The following LDLRAD3 variants were observed in gnomAD, a reference collection of about 807,000 sequenced individuals.
LDLRAD3 encodes low-density lipoprotein receptor class A domain-containing protein 3.
A neutral mutation model predicts 29.4 loss-of-function variants in LDLRAD3; 20 were observed. That is an observed-to-expected ratio of 0.68 (90% CI 0.48 to 0.99). The LOEUF is 0.99. Among genes scored for constraint, LDLRAD3 ranks in the 50% least tolerant of loss-of-function variants. The pLI is 0.00. For synonymous variants in LDLRAD3, 157 were observed against 192.7 expected, an observed-to-expected ratio of 0.81 and a Z score of 1.53; for missense variants, 420 against 454.3, an observed-to-expected ratio of 0.92 and a Z score of 0.69.
chr11:35,997,188 C>T, intron 1 of LDLRAD3: 1 of 274,364 alleles, frequency 3.6e-6, no homozygotes. Flanking sequence ...TTCCTTTGTG[C>T]TTCTTAACTA....
chr11:35,959,138 C>T (rs931342340), intron 1 of LDLRAD3, among the ~76,000 whole-genome samples: 9 of 152,200 alleles, frequency 5.9e-5, no homozygotes, highest in South Asian at 2.1e-4. Context: ...TCTCCCAGCT[C>T]GCAACTTTTC....
At chr11:35,951,889 C>A (rs1851139833) in intron 1 of LDLRAD3, among the ~76,000 whole-genome samples, 1 of 152,154 alleles carries the variant, frequency 6.6e-6, no homozygotes. Context: ...CAGCTTCCGC[C>A]CACCCTGTGC....
chr11:36,073,890 C>T (rs777928317), intron 2 of LDLRAD3, among the ~76,000 whole-genome samples: 4 of 152,168 alleles, frequency 2.6e-5, no homozygotes, highest in African/African-American at 4.8e-5. Context: ...TCTAAGGAGG[C>T]GGCAGAGCAG....
intron 1 of LDLRAD3, among the ~76,000 whole-genome samples, chr11:35,983,717 G>A (rs968790978): frequency 2.6e-5 from 4 of 152,154 alleles, no homozygotes; most frequent in Admixed American, 2.6e-4. Flanking sequence ...TGCAACCTCT[G>A]CCTCCTAGGT....
chr11:36,081,532 C>CT, intron 2 of LDLRAD3, 121 bp from the exon 3 acceptor site: 1 of 1,334,478 alleles, frequency 7.5e-7, no homozygotes, highest in South Asian at 1.3e-5. Flanking sequence ...GAGAAGAAAG[C>CT]TTCAAGGACT....
At chr11:36,211,056 T>C (rs1413553134) in intron 4 of LDLRAD3, among the ~76,000 whole-genome samples, 2 of 152,176 alleles carry the variant, frequency 1.3e-5, no homozygotes, top group Non-Finnish European at 2.9e-5. Flanking sequence ...AAGCTCATGG[T>C]TCATTGTAGT....
intron 4 of LDLRAD3, among the ~76,000 whole-genome samples, chr11:36,135,713 C>T (rs1341337893): frequency 6.6e-6 from 1 of 152,142 alleles, no homozygotes; most frequent in East Asian, 1.9e-4. Flanking sequence ...AGTTCAACAC[C>T]AGCCTGGCCA....
intron 3 of LDLRAD3, among the ~76,000 whole-genome samples, chr11:36,092,878 G>A (rs1853304094): frequency 6.6e-6 from 1 of 152,198 alleles, no homozygotes; most frequent in South Asian, 2.1e-4. Flanking sequence ...TGGTTGGGAG[G>A]CATTTTTCTG....
chr11:35,997,118 A>G lies in LDLRAD3; in HGVS notation c.47-38985A>G, dbSNP rs527567811. 3 of 258,844 alleles carry G rather than the reference A, an allele frequency of 1.2e-5. No homozygotes were observed. In the East Asian group the frequency reaches 3.9e-4, roughly 33 times the overall value. 16.0% of individuals were successfully genotyped at this position (258,844 alleles called of 1,614,324 possible). On this transcript the variant is annotated intron_variant, in intron 1 of 5. Transcript: ENST00000315571. ...CCATAAAATGATGGCTATTTTTATG[A>G]TTAGGTGGAAACTTTTGTTTCTTTT...
intron 5 of LDLRAD3, among the ~76,000 whole-genome samples, chr11:36,228,144 T>C (rs145195345): frequency 2.2e-3 from 340 of 152,342 alleles, no homozygotes; most frequent in African/African-American, 7.9e-3. Context: ...CTCTGCCGTG[T>C]ATGGCATTAG....
chr11:36,043,376 C>T (rs1234342148), intron 2 of LDLRAD3, among the ~76,000 whole-genome samples: 3 of 152,214 alleles, frequency 2.0e-5, no homozygotes, highest in Non-Finnish European at 4.4e-5. Flanking sequence ...AACAGGCTGA[C>T]GTCTGCAGAC....
intron 4 of LDLRAD3, among the ~76,000 whole-genome samples, chr11:36,209,014 T>C (rs971523620): frequency 2.0e-5 from 3 of 152,260 alleles, no homozygotes; most frequent in African/African-American, 7.2e-5. Flanking sequence ...AGGTATCCCC[T>C]GATGGGATAC....
chr11:36,018,977 A>G (rs757748486), intron 1 of LDLRAD3, among the ~76,000 whole-genome samples: 3 of 152,170 alleles, frequency 2.0e-5, no homozygotes, highest in Non-Finnish European at 4.4e-5. Flanking sequence ...TAAAACACAC[A>G]TTTAGAAAAA....
At chr11:35,951,882 C>T (rs1478404455) in intron 1 of LDLRAD3, among the ~76,000 whole-genome samples, 1 of 152,202 alleles carries the variant, frequency 6.6e-6, no homozygotes, top group Non-Finnish European at 1.5e-5. Context: ...TAAATCACAG[C>T]TTCCGCCCAC....
At position 36,187,840 on chromosome 11, in the gene LDLRAD3, C is replaced by T. The variant is rs186741449; in HGVS notation, c.455-39245C>T. On this transcript the variant is annotated intron_variant, in intron 4 of 5. Transcript: ENST00000315571. ...GATTACTGGAGACAAGCCTCTGTCT[C>T]CTGAAGACAGGCCAAGATAACGTTA... 1.5e-3 allele frequency among the ~76,000 whole-genome samples: 225 copies of T among 152,252 alleles called. 1 individual carries two copies. The highest frequency in any genetic ancestry group is 1.4e-3 in the Non-Finnish European group (96 of 68,014).
intron 4 of LDLRAD3, among the ~76,000 whole-genome samples, chr11:36,123,718 C>T (rs1853793824): frequency 6.6e-6 from 1 of 152,238 alleles, no homozygotes. Flanking sequence ...GCCCCTTGGC[C>T]TGGCAGATGT....
intron 2 of LDLRAD3, among the ~76,000 whole-genome samples, chr11:36,073,215 C>G (rs779018309): frequency 5.3e-5 from 8 of 152,276 alleles, no homozygotes; most frequent in South Asian, 2.1e-4. Context: ...GAAGTAGGCT[C>G]TAAAAAGTGG....
At chr11:36,109,738 G>A (rs1853581096) in intron 4 of LDLRAD3, among the ~76,000 whole-genome samples, 1 of 126,180 alleles carries the variant, frequency 7.9e-6, no homozygotes, top group East Asian at 2.2e-4. Context: ...AAATATGGAT[G>A]GAAAAAGCTT....
intron 4 of LDLRAD3, among the ~76,000 whole-genome samples, chr11:36,156,032 G>A (rs1254490858): frequency 6.6e-6 from 1 of 152,170 alleles, no homozygotes; most frequent in Non-Finnish European, 1.5e-5. Flanking sequence ...AATCCTAGTT[G>A]CACATTAGAA....
Sources: gnomAD v4.1 joint callset for allele counts (sites outside exome capture counted in the v4.1 genomes callset) on GRCh38, gnomAD v4.1.1 for gene constraint, MANE v1.5 for transcripts, NCBI Gene and HGNC (gene_info 2026-07-23, HGNC 2026-07-21) for gene names.